CTNNA3: variants seen among roughly 807,000 people sequenced by gnomAD.
The protein encoded by CTNNA3 is catenin alpha-3.
In CTNNA3, 76 loss-of-function variants were observed where a neutral mutation model predicts 95.7. That is an observed-to-expected ratio of 0.79 (90% CI 0.66 to 0.96). CTNNA3 has a LOEUF of 0.96. Ranked by LOEUF, CTNNA3 falls within the 40% of genes least tolerant of loss-of-function variation. The probability of loss-of-function intolerance (pLI) is 0.00; values close to 1 mark genes in which losing one functional copy is unlikely to be tolerated. For synonymous variants in CTNNA3, 431 were observed against 374.4 expected, an observed-to-expected ratio of 1.15 and a Z score of -1.74; for missense variants, 1,191 against 1,089.8, an observed-to-expected ratio of 1.09 and a Z score of -1.31.
chr10:66,544,391 G>T (rs569238406), intron 10 of CTNNA3, among the ~76,000 whole-genome samples: 9 of 152,154 alleles, frequency 5.9e-5, no homozygotes, highest in African/African-American at 1.9e-4. Context: ...ACTAATCATT[G>T]CAAGCAAACT....
intron 5 of CTNNA3, among the ~76,000 whole-genome samples, chr10:67,409,294 A>C (rs1034017756): frequency 5.3e-5 from 8 of 152,188 alleles, no homozygotes; most frequent in Non-Finnish European, 1.2e-4. Flanking sequence ...ACGTATGTTT[A>C]TTGCGGCACT....
At chr10:67,301,636 TATATATATATATAA>T (rs1195465218) in intron 5 of CTNNA3, among the ~76,000 whole-genome samples, 1 of 88,780 alleles carries the variant, frequency 1.1e-5, no homozygotes, top group Non-Finnish European at 1.9e-5. Context: ...GAAAAAGTGG[TATATATATATATAA>T]GGAATGCAAT....
intron 7 of CTNNA3, among the ~76,000 whole-genome samples, chr10:66,972,614 G>C (rs1849785249): frequency 6.6e-6 from 1 of 150,778 alleles, no homozygotes; most frequent in Admixed American, 6.6e-5. Context: ...TTCATAAAGT[G>C]CTTTTTCTAA....
intron 10 of CTNNA3, among the ~76,000 whole-genome samples, chr10:66,564,773 G>T (rs567835604): frequency 1.3e-5 from 2 of 152,302 alleles, no homozygotes; most frequent in South Asian, 4.1e-4. Flanking sequence ...TACTGAGCTT[G>T]AATTATTTGA....
intron 7 of CTNNA3, among the ~76,000 whole-genome samples, chr10:67,172,276 T>A (rs1426905701): frequency 6.6e-6 from 1 of 152,212 alleles, no homozygotes; most frequent in Non-Finnish European, 1.5e-5. Context: ...TCATGTTCCA[T>A]TTCACGTACT....
At chr10:67,633,810 C>T (rs916978484) in intron 2 of CTNNA3, among the ~76,000 whole-genome samples, 3 of 152,136 alleles carry the variant, frequency 2.0e-5, no homozygotes, top group Non-Finnish European at 4.4e-5. Context: ...AACAAAACCT[C>T]TGAGAACTAC....
At chr10:67,705,244 C>G (rs371599883) in intron 1 of CTNNA3, among the ~76,000 whole-genome samples, 3 of 151,314 alleles carry the variant, frequency 2.0e-5, no homozygotes, top group South Asian at 2.1e-4. Flanking sequence ...TCTAGAACTA[C>G]AAATACCATT....
chr10:67,562,018 G>C lies in CTNNA3; in HGVS notation c.293-22349C>G, dbSNP rs1456930394. ...ATCAATAGCTTACCAACCAAAAAGA[G>C]TCCAGGACCAGATGGATTCACAGCC... On this transcript the variant is annotated intron_variant, in intron 3 of 17. Transcript: ENST00000433211. 2.0e-5 allele frequency among the ~76,000 whole-genome samples: 3 copies of C among 152,172 alleles called. No individual in the cohort carries two copies. The East Asian group carries it at 5.8e-4, about 29-fold the overall frequency.
intron 15 of CTNNA3, among the ~76,000 whole-genome samples, chr10:66,013,059 C>A (rs2079034795): frequency 6.6e-6 from 1 of 152,168 alleles, no homozygotes; most frequent in Non-Finnish European, 1.5e-5. Context: ...TGCCATGACA[C>A]CTGGCTAATT....
chr10:66,936,319 T>A (rs974060587), intron 7 of CTNNA3, among the ~76,000 whole-genome samples: 1 of 149,932 alleles, frequency 6.7e-6, no homozygotes, highest in African/African-American at 2.4e-5. Flanking sequence ...TTCTTAATGT[T>A]AAAAAAAAAA....
At chr10:66,735,457 C>T (rs947202283) in intron 9 of CTNNA3, among the ~76,000 whole-genome samples, 12 of 151,870 alleles carry the variant, frequency 7.9e-5, no homozygotes, top group African/African-American at 2.7e-4. Context: ...AGAAAAATGG[C>T]TTCTGAGACC....
chr10:67,362,054 C>A (rs1043056274), intron 5 of CTNNA3, among the ~76,000 whole-genome samples: 9 of 152,028 alleles, frequency 5.9e-5, no homozygotes, highest in Non-Finnish European at 1.3e-4. Flanking sequence ...CACACAACTT[C>A]CCAAGATTGA....
intron 5 of CTNNA3, among the ~76,000 whole-genome samples, chr10:67,363,352 T>C (rs1843070681): frequency 6.6e-6 from 1 of 151,938 alleles, no homozygotes; most frequent in Admixed American, 6.6e-5. Flanking sequence ...TCACACTACA[T>C]AAATTCAAAC....
intron 11 of CTNNA3, among the ~76,000 whole-genome samples, chr10:66,429,574 C>T (rs2093276071): frequency 1.3e-5 from 2 of 152,160 alleles, no homozygotes; most frequent in Non-Finnish European, 2.9e-5. Context: ...TGGCTTCATC[C>T]CTGGGATGCA....
chr10:67,704,622 T>C (rs1450849698), intron 1 of CTNNA3, among the ~76,000 whole-genome samples: 8 of 152,066 alleles, frequency 5.3e-5, no homozygotes, highest in African/African-American at 9.7e-5. Flanking sequence ...ATACAAAAAT[T>C]AATTCAAGAT....
intron 12 of CTNNA3, among the ~76,000 whole-genome samples, chr10:66,349,038 AG>A (rs1177773926): frequency 6.6e-6 from 1 of 152,040 alleles, no homozygotes; most frequent in African/African-American, 2.4e-5. Flanking sequence ...AAAACGGAAA[AG>A]TTGATGGGAT....
chr10:67,583,435 GTCTGA>G, intron 3 of CTNNA3, among the ~76,000 whole-genome samples: 1 of 152,340 alleles, frequency 6.6e-6, no homozygotes, highest in Middle Eastern at 3.4e-3. Flanking sequence ...TCCACTGTTT[GTCTGA>G]TGGGCTTCCC....
rs577163304 is a variant in CTNNA3, at chr10:67,448,769, AG to A, written c.579+73072del. 9.9e-4 allele frequency among the ~76,000 whole-genome samples: 149 copies of A among 150,416 alleles called. 1 individual carries two copies. The highest frequency in any genetic ancestry group is 3.5e-3 in the African/African-American group (144 of 41,316). On this transcript the variant is annotated intron_variant, in intron 5 of 17. Coordinates refer to ENST00000433211, the MANE Select transcript of CTNNA3 (RefSeq NM_013266.4). ...CCATCTTTAACTCTTTAACTCGCAT[AG>A]GATTTCTTATCAAAAACTTGATAAA...
At chr10:67,735,127 GCACACACACACACACACAAA>G (rs1419919713) in intron 1 of CTNNA3, among the ~76,000 whole-genome samples, 3 of 108,350 alleles carry the variant, frequency 2.8e-5, no homozygotes, top group African/African-American at 4.8e-5. Context: ...CAGCAAGTGA[GCACACACACACACACACAAA>G]CACACACACA....
Sources: gnomAD v4.1 joint callset for allele counts (sites outside exome capture counted in the v4.1 genomes callset) on GRCh38, gnomAD v4.1.1 for gene constraint, MANE v1.5 for transcripts, NCBI Gene and HGNC (gene_info 2026-07-23, HGNC 2026-07-21) for gene names.